The following AKR1C8 variants were observed in gnomAD, a reference collection of about 807,000 sequenced individuals.
The protein encoded by AKR1C8 is aldo-keto reductase family 1 member C-like protein 1.
At chr10:5,162,023 G>A in the AKR1C8 span, 6 of 509,270 alleles carry the variant, frequency 1.2e-5, no homozygotes, top group Non-Finnish European at 2.0e-5. Context: ...CACATTTGAG[G>A]ACAAAAATTA....
the AKR1C8 span, among the ~76,000 whole-genome samples, chr10:5,174,396 AAT>A: frequency 6.6e-6 from 1 of 152,046 alleles, no homozygotes; most frequent in African/African-American, 2.4e-5. Flanking sequence ...TACAAAATAA[AAT>A]GTCTTAAAAA....
the AKR1C8 span, among the ~76,000 whole-genome samples, chr10:5,118,568 C>G: frequency 6.6e-6 from 1 of 152,126 alleles, no homozygotes; most frequent in Non-Finnish European, 1.5e-5. Flanking sequence ...TTCCTATGAC[C>G]TACCTTGGGG....
the AKR1C8 span, among the ~76,000 whole-genome samples, chr10:5,145,639 C>A: frequency 5.3e-5 from 8 of 152,252 alleles, no homozygotes; most frequent in Middle Eastern, 3.4e-3. Context: ...AAATCAAAAC[C>A]ACAGTGAGAC....
chr10:5,159,803 A>T, the AKR1C8 span: 8 of 471,034 alleles, frequency 1.7e-5, no homozygotes, highest in South Asian at 1.2e-4. Flanking sequence ...GACATCAAGC[A>T]GAAACTTGGA....
the AKR1C8 span, among the ~76,000 whole-genome samples, chr10:5,134,245 T>G: frequency 6.6e-6 from 1 of 152,124 alleles, no homozygotes; most frequent in Admixed American, 6.6e-5. Context: ...GTGCTTTTCC[T>G]TACTTCCCCC....
the AKR1C8 span, among the ~76,000 whole-genome samples, chr10:5,145,020 CTCT>C: frequency 3.3e-4 from 49 of 148,688 alleles, no homozygotes; most frequent in African/African-American, 1.1e-3. Context: ...TCATAGATAG[CTCT>C]TATTATTTTG....
At chr10:5,135,693 G>T in the AKR1C8 span, among the ~76,000 whole-genome samples, 1 of 152,058 alleles carries the variant, frequency 6.6e-6, no homozygotes, top group Admixed American at 6.6e-5. Context: ...TGTTCATGCC[G>T]TGATGATGTT....
the AKR1C8 span, chr10:5,132,827 G>A: frequency 1.4e-5 from 10 of 729,732 alleles, no homozygotes; most frequent in South Asian, 2.0e-4. Flanking sequence ...GGTAGTTCAG[G>A]CACAAACAAT....
At chr10:5,157,363 T>C in the AKR1C8 span, among the ~76,000 whole-genome samples, 3 of 137,164 alleles carry the variant, frequency 2.2e-5, no homozygotes, top group East Asian at 1.9e-4. Flanking sequence ...TTCATTACCA[T>C]GTAGAAGAAC....
At chr10:5,181,900 A>C in the AKR1C8 span, among the ~76,000 whole-genome samples, 1 of 152,166 alleles carries the variant, frequency 6.6e-6, no homozygotes, top group African/African-American at 2.4e-5. Context: ...AACACTCTCA[A>C]ATACAAGTTT....
the AKR1C8 span, among the ~76,000 whole-genome samples, chr10:5,150,022 T>C: frequency 6.6e-6 from 1 of 152,150 alleles, no homozygotes; most frequent in Non-Finnish European, 1.5e-5. Context: ...CAAAATGTCA[T>C]AAAATTGTTT....
chr10:5,174,381 A>G, the AKR1C8 span, among the ~76,000 whole-genome samples: 1 of 152,012 alleles, frequency 6.6e-6, no homozygotes, highest in African/African-American at 2.4e-5. Context: ...CGTGACTTTA[A>G]TCTTTACAAA....
chr10:5,165,552 C>T, the AKR1C8 span, among the ~76,000 whole-genome samples: 1 of 152,258 alleles, frequency 6.6e-6, no homozygotes, highest in African/African-American at 2.4e-5. Flanking sequence ...AGAAACTTCC[C>T]TGGAGAAACA....
the AKR1C8 span, among the ~76,000 whole-genome samples, chr10:5,137,332 TC>T: frequency 6.6e-6 from 1 of 152,050 alleles, no homozygotes; most frequent in Non-Finnish European, 1.5e-5. Flanking sequence ...CTGATGAGCA[TC>T]AAGGCAAAAA....
At chr10:5,157,152 G>A in the AKR1C8 span, among the ~76,000 whole-genome samples, 6 of 152,314 alleles carry the variant, frequency 3.9e-5, no homozygotes, top group African/African-American at 1.4e-4. Context: ...GCACACTGAA[G>A]TATTAGCAAA....
At chr10:5,122,129 G>A in the AKR1C8 span, 1 of 387,496 alleles carries the variant, frequency 2.6e-6, no homozygotes, top group Non-Finnish European at 5.3e-6. Flanking sequence ...GGCTGTCAAT[G>A]GCTTTCATGT....
chr10:5,172,104 C>T, the AKR1C8 span, among the ~76,000 whole-genome samples: 3 of 152,070 alleles, frequency 2.0e-5, no homozygotes, highest in African/African-American at 7.2e-5. Context: ...CATTTAACTT[C>T]ATGTGTCCTA....
chr10:5,163,159 G>A, the AKR1C8 span: 1 of 350,634 alleles, frequency 2.9e-6, no homozygotes, highest in Non-Finnish European at 5.8e-6. Flanking sequence ...TGACAGACCT[G>A]TACTCTGAGG....
the AKR1C8 span, among the ~76,000 whole-genome samples, chr10:5,161,120 G>A: frequency 6.6e-6 from 1 of 152,136 alleles, no homozygotes; most frequent in African/African-American, 2.4e-5. Context: ...GTGTACATAT[G>A]TGTATGTGTG....
Sources: allele counts gnomAD v4.1 joint callset (sites outside exome capture counted in the v4.1 genomes callset), GRCh38; gene constraint gnomAD v4.1.1; transcripts MANE v1.5; gene names NCBI Gene and HGNC (gene_info 2026-07-23, HGNC 2026-07-21).